TSPAN15: variants seen among roughly 807,000 people sequenced by gnomAD.
TSPAN15 encodes the protein tetraspanin-15.
In TSPAN15, 20 loss-of-function variants were observed where a neutral mutation model predicts 34.5. That is an observed-to-expected ratio of 0.58 (90% CI 0.41 to 0.84). The LOEUF is 0.84. TSPAN15 is among the 40% of genes least tolerant of loss of function. The pLI is 0.00. For missense variants in TSPAN15, 313 were observed against 386.1 expected, an observed-to-expected ratio of 0.81 and a Z score of 1.59; for synonymous variants, 155 against 153.9, an observed-to-expected ratio of 1.01 and a Z score of -0.05.
chr10:69,522,994 A>C, the TSPAN15 span, among the ~76,000 whole-genome samples: 1 of 147,860 alleles, frequency 6.8e-6, no homozygotes, highest in African/African-American at 2.5e-5. Flanking sequence ...ACCATCACCA[A>C]ATCCAATGTC....
chr10:69,473,262 C>G (rs556644166), intron 1 of TSPAN15, among the ~76,000 whole-genome samples: 2 of 152,234 alleles, frequency 1.3e-5, no homozygotes, highest in Non-Finnish European at 2.9e-5. Flanking sequence ...TGGGCTCAAG[C>G]GATGGGAGGA....
chr10:69,495,195 G>A (rs553632627), intron 3 of TSPAN15: 27 of 173,110 alleles, frequency 1.6e-4, no homozygotes, highest in African/African-American at 4.0e-4. Context: ...AGATTCCAGC[G>A]TGGGCCCATC....
chr10:69,469,356 A>C (rs559788398), intron 1 of TSPAN15, among the ~76,000 whole-genome samples: 1 of 152,186 alleles, frequency 6.6e-6, no homozygotes, highest in Non-Finnish European at 1.5e-5. Flanking sequence ...CCATTCGCGC[A>C]AATTATCAAA....
downstream of TSPAN15, chr10:69,507,769 T>G (rs1589658553): frequency 4.0e-5 from 28 of 692,372 alleles, no homozygotes; most frequent in Middle Eastern, 1.2e-3. Flanking sequence ...AGGGGGTGCA[T>G]GGGGTGAAGA....
chr10:69,547,349 T>C, the TSPAN15 span, among the ~76,000 whole-genome samples: 1 of 152,254 alleles, frequency 6.6e-6, no homozygotes, highest in African/African-American at 2.4e-5. Context: ...TGTCCCATAA[T>C]TTTTTATTTG....
At chr10:69,476,479 C>T (rs1258834253) in intron 1 of TSPAN15, among the ~76,000 whole-genome samples, 1 of 151,438 alleles carries the variant, frequency 6.6e-6, no homozygotes, top group Non-Finnish European at 1.5e-5. Context: ...ATCGCTTGAG[C>T]TCAGGAGATC....
At chr10:69,533,968 G>C in the TSPAN15 span, among the ~76,000 whole-genome samples, 1 of 152,204 alleles carries the variant, frequency 6.6e-6, no homozygotes, top group Non-Finnish European at 1.5e-5. Flanking sequence ...TTCTTTATTA[G>C]ATGTGGCATG....
At chr10:69,451,834 A>C in intron 1 of TSPAN15, 144 bp downstream of exon 1, 2 of 565,986 alleles carry the variant, frequency 3.5e-6, no homozygotes, top group Non-Finnish European at 5.4e-6. Flanking sequence ...TTTCTACCTC[A>C]CATTCGGGCG....
At chr10:69,463,125 T>C (rs1589624889) in intron 1 of TSPAN15, among the ~76,000 whole-genome samples, 1 of 152,280 alleles carries the variant, frequency 6.6e-6, no homozygotes, top group African/African-American at 2.4e-5. Context: ...AAGGTTTCTA[T>C]GCAGTTACCT....
chr10:69,461,111 C>T (rs1179604081), intron 1 of TSPAN15, among the ~76,000 whole-genome samples: 2 of 152,104 alleles, frequency 1.3e-5, no homozygotes, highest in South Asian at 2.1e-4. Flanking sequence ...GAGGAGACGC[C>T]GTCTGCCACG....
At chr10:69,468,380 T>A (rs1841434349) in intron 1 of TSPAN15, among the ~76,000 whole-genome samples, 1 of 152,138 alleles carries the variant, frequency 6.6e-6, no homozygotes, top group Non-Finnish European at 1.5e-5. Flanking sequence ...TCTTTGTTCC[T>A]TGGTTCTGAT....
downstream of TSPAN15, among the ~76,000 whole-genome samples, chr10:69,510,169 C>T (rs563513798): frequency 6.6e-6 from 1 of 152,296 alleles, no homozygotes; most frequent in East Asian, 1.9e-4. Flanking sequence ...TTACTTTGGG[C>T]CATATGGCCA....
intron 1 of TSPAN15, among the ~76,000 whole-genome samples, chr10:69,477,749 G>C (rs1195414505): frequency 6.6e-6 from 1 of 152,174 alleles, no homozygotes; most frequent in Non-Finnish European, 1.5e-5. Context: ...TTCATAAAAG[G>C]CCCATCTGGT....
intron 1 of TSPAN15, among the ~76,000 whole-genome samples, chr10:69,478,049 A>G (rs1023825587): frequency 6.6e-6 from 1 of 152,186 alleles, no homozygotes; most frequent in Non-Finnish European, 1.5e-5. Flanking sequence ...GAGCTCACCC[A>G]TGGAGGCCCA....
chr10:69,473,587 C>T (rs542768705), intron 1 of TSPAN15, among the ~76,000 whole-genome samples: 4 of 152,216 alleles, frequency 2.6e-5, no homozygotes, highest in African/African-American at 4.8e-5. Flanking sequence ...CCATGGACTC[C>T]CGGAGCAGTA....
At chr10:69,496,887 A>G (rs1202755420) in intron 4 of TSPAN15, among the ~76,000 whole-genome samples, 1 of 152,098 alleles carries the variant, frequency 6.6e-6, no homozygotes, top group Non-Finnish European at 1.5e-5. Context: ...TTTTATTGGA[A>G]CCAGCCTTTA....
chr10:69,498,540 C>A, intron 5 of TSPAN15, 144 bp downstream of exon 5: 2 of 662,694 alleles, frequency 3.0e-6, no homozygotes, highest in Admixed American at 2.7e-5. Context: ...CGGAGGCTTT[C>A]CTGATTCTCA....
rs1842339322 is a variant in TSPAN15, at chr10:69,506,894, T to G, written c.801T>G (p.Ser267=). 2 of 1,607,202 alleles carry G rather than the reference T, an allele frequency of 1.2e-6. No homozygotes were observed. The highest frequency in any genetic ancestry group is 4.5e-5 in the East Asian group (2 of 44,704). The change falls in exon 8 of 8, where the codon TCT becomes TCG. Residue 267 remains serine (S), a synonymous_variant. Transcript: ENST00000373290. This position sits in a 1 kb window ranked among gnomAD's most constrained non-coding sequence, Gnocchi z 4.7. ...TRVEDIIMEH[S]VTDGLLGPGA... is the part of the protein sequence containing the mutation. ...TGGAGGACATCATCATGGAGCACTCTGTCACTGATGGGCTCCTGGGGCCCG... is the reference window on the plus strand; with the variant it reads ...TGGAGGACATCATCATGGAGCACTCGGTCACTGATGGGCTCCTGGGGCCCG...
chr10:69,544,994 C>T, the TSPAN15 span, among the ~76,000 whole-genome samples: 241 of 152,318 alleles, frequency 1.6e-3, 2 homozygotes, highest in Non-Finnish European at 3.0e-3. Flanking sequence ...TCCCTAGCTC[C>T]GAAGAGAGCA....
Sources: allele counts gnomAD v4.1 joint callset (sites outside exome capture counted in the v4.1 genomes callset), GRCh38; gene constraint gnomAD v4.1.1; non-coding constraint Gnocchi (gnomAD v3.1); transcripts MANE v1.5; gene names NCBI Gene and HGNC (gene_info 2026-07-23, HGNC 2026-07-21).